The following EDIL3 variants were observed in gnomAD, a reference collection of about 807,000 sequenced individuals.
EDIL3 encodes EGF-like repeat and discoidin I-like domain-containing protein 3.
Under a neutral mutation model 67.4 loss-of-function variants are expected in EDIL3, and 37 were observed. The observed-to-expected ratio is 0.55, with a 90% CI of 0.42 to 0.72. The LOEUF (loss-of-function observed/expected upper bound fraction) is 0.72. Ranked by LOEUF, EDIL3 falls within the 30% of genes least tolerant of loss-of-function variation. EDIL3 has a pLI of 0.00. For missense variants in EDIL3, 527 were observed against 586.3 expected (o/e 0.90, Z 1.04); for synonymous variants, 195 against 196.3 (o/e 0.99, Z 0.05).
chr5:84,184,348 GA>G (rs1174065459), intron 3 of EDIL3, among the ~76,000 whole-genome samples: 1 of 152,168 alleles, frequency 6.6e-6, no homozygotes, highest in Non-Finnish European at 1.5e-5. Context: ...AGAAAACTGA[GA>G]AGCAGAAATT....
At chr5:84,020,355 C>T (rs748838253) in intron 9 of EDIL3, among the ~76,000 whole-genome samples, 26 of 151,934 alleles carry the variant, frequency 1.7e-4, no homozygotes, top group Non-Finnish European at 2.9e-4. Context: ...GCCTTTTCTC[C>T]AGAGATAGTT....
intron 9 of EDIL3, among the ~76,000 whole-genome samples, chr5:84,050,122 C>T (rs539855572): frequency 3.4e-5 from 5 of 145,940 alleles, no homozygotes; most frequent in African/African-American, 5.0e-5. Flanking sequence ...GGTGTGAACC[C>T]GGGAGGCGGA....
At chr5:83,950,205 C>T (rs1744393999) in intron 10 of EDIL3, among the ~76,000 whole-genome samples, 1 of 151,830 alleles carries the variant, frequency 6.6e-6, no homozygotes, top group Admixed American at 6.6e-5. Context: ...TATCCATATC[C>T]TTTCATCGTG....
At chr5:84,132,388 T>TTTTAATATATA (rs1747993696) in intron 5 of EDIL3, among the ~76,000 whole-genome samples, 2 of 44,856 alleles carry the variant, frequency 4.5e-5, no homozygotes, top group Non-Finnish European at 8.3e-5. Flanking sequence ...TATAATATAT[T>TTTTAATATATA]TTATATATAA....
intron 1 of EDIL3, among the ~76,000 whole-genome samples, chr5:84,293,779 GTT>G (rs1044967360): frequency 4.3e-5 from 6 of 140,870 alleles, no homozygotes; most frequent in Non-Finnish European, 4.7e-5. Flanking sequence ...GATTAAGACT[GTT>G]TTTTTTTTTT....
At chr5:84,285,471 G>A (rs1051749070) in intron 1 of EDIL3, among the ~76,000 whole-genome samples, 2 of 152,188 alleles carry the variant, frequency 1.3e-5, no homozygotes, top group African/African-American at 2.4e-5. Context: ...AGAGGGTTTT[G>A]CATTCTCATG....
chr5:84,283,245 G>A lies in EDIL3; in HGVS notation c.68-29033C>T, dbSNP rs997408323. 3.9e-5 allele frequency among the ~76,000 whole-genome samples: 6 copies of A among 152,180 alleles called. No individual in the cohort carries two copies. In the East Asian group the frequency reaches 1.2e-3, roughly 29 times the overall value. On this transcript the variant is annotated intron_variant, in intron 1 of 10. Coordinates refer to ENST00000296591, the MANE Select transcript of EDIL3 (RefSeq NM_005711.5). ...TGGTATTTAATAGATGGCTGTTGAT[G>A]ATACAATAATCATAACATCATGGTG...
intron 9 of EDIL3, among the ~76,000 whole-genome samples, chr5:84,045,013 C>T (rs1245836725): frequency 1.3e-5 from 2 of 152,120 alleles, no homozygotes; most frequent in Non-Finnish European, 2.9e-5. Flanking sequence ...ACTCACAGTT[C>T]CACATGGCTA....
chr5:84,200,511 G>A (rs549439854), intron 3 of EDIL3, among the ~76,000 whole-genome samples: 3 of 152,070 alleles, frequency 2.0e-5, no homozygotes, highest in African/African-American at 4.8e-5. Context: ...AATTTACCAT[G>A]TCTTCTTAAA....
At chr5:83,963,387 T>C in intron 9 of EDIL3, 27 bp from the exon 10 acceptor site, 1 of 1,566,496 alleles carries the variant, frequency 6.4e-7, no homozygotes, top group South Asian at 1.2e-5. Context: ...ATACAGGCTT[T>C]AAATGCGACA....
intron 3 of EDIL3, among the ~76,000 whole-genome samples, chr5:84,184,250 G>T (rs760469056): frequency 6.6e-6 from 1 of 152,204 alleles, no homozygotes; most frequent in East Asian, 1.9e-4. Context: ...CTATGTCTTT[G>T]TAAAAGTGAA....
intron 1 of EDIL3, among the ~76,000 whole-genome samples, chr5:84,325,663 T>G (rs1604105): frequency 0.28 from 42,510 of 151,918 alleles, 6,496 homozygotes; most frequent in Non-Finnish European, 0.35. Context: ...TGAAGGCAGT[T>G]TCTCAAAGAC....
At chr5:84,306,025 T>G (rs1364873123) in intron 1 of EDIL3, among the ~76,000 whole-genome samples, 1 of 152,168 alleles carries the variant, frequency 6.6e-6, no homozygotes, top group East Asian at 1.9e-4. Context: ...CTGTTCAGTC[T>G]TAAGGAGAAA....
intron 9 of EDIL3, among the ~76,000 whole-genome samples, chr5:84,006,599 AT>A (rs1745421662): frequency 6.6e-6 from 1 of 152,148 alleles, no homozygotes; most frequent in African/African-American, 2.4e-5. Flanking sequence ...GAAGGCAAGG[AT>A]TTAAAAAAGT....
chr5:84,055,168 A>G (rs545929947), intron 9 of EDIL3, among the ~76,000 whole-genome samples: 9 of 146,266 alleles, frequency 6.2e-5, no homozygotes, highest in Non-Finnish European at 1.2e-4. Flanking sequence ...ATCTACAACT[A>G]TCTGATCTTT....
At chr5:83,989,810 C>T (rs998603360) in intron 9 of EDIL3, among the ~76,000 whole-genome samples, 2 of 152,116 alleles carry the variant, frequency 1.3e-5, no homozygotes, top group East Asian at 1.9e-4. Flanking sequence ...GTTATTAAGC[C>T]TCCATCTGAG....
intron 1 of EDIL3, among the ~76,000 whole-genome samples, chr5:84,334,098 C>G (rs1326798648): frequency 6.9e-6 from 1 of 145,812 alleles, no homozygotes. Flanking sequence ...TGGAATTTTG[C>G]TCTTGTCACT....
At chr5:84,064,873 C>T (rs756252940) in intron 7 of EDIL3, 29 bp from the exon 8 acceptor site, 6 of 1,586,812 alleles carry the variant, frequency 3.8e-6, no homozygotes, top group African/African-American at 1.4e-5. Flanking sequence ...AAATTATTCA[C>T]TGCAACAGCT....
At chr5:84,324,225 G>A (rs2112158710) in intron 1 of EDIL3, among the ~76,000 whole-genome samples, 1 of 151,836 alleles carries the variant, frequency 6.6e-6, no homozygotes, top group East Asian at 1.9e-4. Context: ...GTCTTCTCCA[G>A]CCACAATGGA....
Sources: allele counts gnomAD v4.1 joint callset (sites outside exome capture counted in the v4.1 genomes callset), GRCh38; gene constraint gnomAD v4.1.1; transcripts MANE v1.5; gene names NCBI Gene and HGNC (gene_info 2026-07-23, HGNC 2026-07-21).